Variants in ANGPT2 observed in about 807,000 individuals in gnomAD.
The protein encoded by ANGPT2 is angiopoietin 2.
In ANGPT2, 28 loss-of-function variants were observed where a neutral mutation model predicts 62.9. That is an observed-to-expected ratio of 0.44 (90% confidence interval 0.33 to 0.61). The LOEUF is 0.61. Ranked by LOEUF, ANGPT2 falls within the 20% of genes least tolerant of loss-of-function variation. The pLI is 0.03. For missense variants in ANGPT2, 727 were observed against 594.9 expected (o/e 1.22, Z -2.31); for synonymous variants, 284 against 207.8 (o/e 1.37, Z -3.15).
At chr8:6,513,911 G>C in intron 6 of ANGPT2, 67 bp from the exon 7 acceptor site, 1 of 1,404,896 alleles carries the variant, frequency 7.1e-7, no homozygotes, top group East Asian at 2.3e-5. Context: ...GAAGTGGATA[G>C]TCCGTCAACT....
intron 8 of ANGPT2, 120 bp from the exon 9 acceptor site, chr8:6,503,381 G>T (rs544758515): frequency 3.1e-6 from 3 of 962,680 alleles, no homozygotes; most frequent in African/African-American, 1.6e-5. Context: ...GGCACATGCA[G>T]ATGATGGTGA....
chr8:6,534,660 A>T (rs887535145), intron 1 of ANGPT2, among the ~76,000 whole-genome samples: 43 of 152,326 alleles, frequency 2.8e-4, no homozygotes, highest in African/African-American at 8.2e-4. Context: ...TTAAAAAAAT[A>T]AAAAATCAGT....
intron 1 of ANGPT2, 115 bp downstream of exon 1, chr8:6,562,532 T>TA (rs1435706974): frequency 8.1e-6 from 7 of 866,138 alleles, no homozygotes; most frequent in Non-Finnish European, 1.1e-5. Context: ...TCTCCAGCTC[T>TA]AATCCTCTTC....
intron 1 of ANGPT2, among the ~76,000 whole-genome samples, chr8:6,553,821 C>T (rs895762412): frequency 3.3e-5 from 5 of 152,088 alleles, no homozygotes; most frequent in African/African-American, 1.2e-4. Context: ...TATAAAGTCC[C>T]ACGTGATTCA....
intron 8 of ANGPT2, among the ~76,000 whole-genome samples, chr8:6,503,745 G>T (rs1812668577): frequency 6.6e-6 from 1 of 152,192 alleles, no homozygotes; most frequent in Non-Finnish European, 1.5e-5. Context: ...TACATAAAAA[G>T]GAAGTCTCTA....
At chr8:6,546,640 C>G (rs1237949588) in intron 1 of ANGPT2, among the ~76,000 whole-genome samples, 2 of 152,216 alleles carry the variant, frequency 1.3e-5, no homozygotes, top group African/African-American at 4.8e-5. Flanking sequence ...CCGCTTAATA[C>G]AAGCAACTGT....
At chr8:6,549,172 A>C (rs1328451764) in intron 1 of ANGPT2, among the ~76,000 whole-genome samples, 4 of 152,232 alleles carry the variant, frequency 2.6e-5, no homozygotes, top group South Asian at 2.1e-4. Context: ...GGGTTTGTAC[A>C]GTTGAGTGTT....
At chr8:6,546,936 C>T (rs1006099461) in intron 1 of ANGPT2, among the ~76,000 whole-genome samples, 5 of 152,162 alleles carry the variant, frequency 3.3e-5, no homozygotes, top group African/African-American at 1.2e-4. Flanking sequence ...CTAGGAAAAA[C>T]AGCCATGTTC....
In ANGPT2 at chr8:6,509,075, A is replaced by G. The variant is rs1198465871; in HGVS notation, c.1197-13T>C. 1.1e-5 allele frequency: 18 copies of G among 1,611,176 alleles called. No individual in the cohort carries two copies. Among genetic ancestry groups the G allele is most frequent in the Non-Finnish European group, 1.5e-5 (18 of 1,178,646 alleles). ...TTTAAGGTGAATCCTGTAAGCGTGC[A>G]AAGAAAAAAAACACATTGGCTAGGG... On this transcript the variant is annotated splice_polypyrimidine_tract_variant and intron_variant, in intron 7 of 8. Transcript: ENST00000629816.
chr8:6,502,894 G>A lies in ANGPT2; in HGVS notation c.*207C>T. On this transcript the variant is annotated 3_prime_UTR_variant, in exon 9 of 9. Coordinates refer to ENST00000629816, the MANE Select transcript of ANGPT2 (RefSeq NM_001118887.2). ...GTTCTGTCTAATCACAATTATGGAT[G>A]TTTAGGGTCTTGCTTTGGTCCGTTA... 1 of 564,780 alleles carries A rather than the reference G, an allele frequency of 1.8e-6. No homozygotes were observed. Among genetic ancestry groups the A allele is most frequent in the Non-Finnish European group, 3.1e-6 (1 of 323,234 alleles). The allele number at this position is 564,780 out of a possible 1,614,324, so 35.0% of individuals were successfully genotyped here. A position where few individuals can be genotyped will look rare whatever the true frequency, so the allele number is the denominator to read the frequency against.
chr8:6,555,707 C>A lies in ANGPT2; in HGVS notation c.288+6940G>T, dbSNP rs184977906. Among the ~76,000 whole-genome samples, 19 of 152,288 alleles carry A rather than the reference C, an allele frequency of 1.2e-4. No individual in the cohort carries two copies. In the East Asian group the frequency reaches 3.5e-3, roughly 28 times the overall value. ...TGAACTCCTGAGCTCAAGCGACCCA[C>A]CCGCTTCGGCCTCCGAAAGTGCTGC... On this transcript the variant is annotated intron_variant, in intron 1 of 8. Coordinates refer to ENST00000629816, the MANE Select transcript of ANGPT2 (RefSeq NM_001118887.2).
At chr8:6,552,359 T>G (rs981796592) in intron 1 of ANGPT2, among the ~76,000 whole-genome samples, 4 of 152,190 alleles carry the variant, frequency 2.6e-5, no homozygotes, top group Non-Finnish European at 5.9e-5. Flanking sequence ...TGGAGCAGTT[T>G]CCACAGAGGC....
Position 6,500,101 on chromosome 8 carries a change from G to T in ANGPT2, c.*3000C>A. Reference sequence around the variant, plus strand: ...TATCAATTTATTCGCGAGAACAAATGTGAGAACGTGAGACCATTGTGCAAA... The same window carrying T: ...TATCAATTTATTCGCGAGAACAAATTTGAGAACGTGAGACCATTGTGCAAA... On this transcript the variant is annotated 3_prime_UTR_variant, in exon 9 of 9. Coordinates refer to ENST00000629816, the MANE Select transcript of ANGPT2 (RefSeq NM_001118887.2). 1.6e-6 allele frequency: 1 copy of T among 632,790 alleles called. No homozygotes were observed. Among genetic ancestry groups the T allele is most frequent in the Non-Finnish European group, 2.8e-6 (1 of 353,312 alleles). The allele number at this position is 632,790 out of a possible 1,614,324, so 39.2% of individuals were successfully genotyped here. A position where few individuals can be genotyped will look rare whatever the true frequency, so the allele number is the denominator to read the frequency against.
intron 3 of ANGPT2, among the ~76,000 whole-genome samples, chr8:6,525,309 G>A (rs1818129584): frequency 6.6e-6 from 1 of 152,112 alleles, no homozygotes; most frequent in South Asian, 2.1e-4. Flanking sequence ...TGCCCAGGTT[G>A]GTATCAAACT....
At chr8:6,548,304 C>G (rs547909524) in intron 1 of ANGPT2, among the ~76,000 whole-genome samples, 1 of 152,080 alleles carries the variant, frequency 6.6e-6, no homozygotes, top group Non-Finnish European at 1.5e-5. Flanking sequence ...GGACTCTACT[C>G]GTGCGTCACT....
At chr8:6,516,672 A>T (rs1471417711) in intron 5 of ANGPT2, among the ~76,000 whole-genome samples, 20 of 152,228 alleles carry the variant, frequency 1.3e-4, no homozygotes, top group Admixed American at 1.3e-3. Context: ...TTGAGGATTC[A>T]TGTACATATA....
At chr8:6,533,790 G>T (rs565979943) in intron 1 of ANGPT2, among the ~76,000 whole-genome samples, 1 of 151,984 alleles carries the variant, frequency 6.6e-6, no homozygotes, top group African/African-American at 2.4e-5. Flanking sequence ...GAAACCATTC[G>T]TGGAGTCAGT....
At chr8:6,504,560 C>T (rs1399727128) in intron 8 of ANGPT2, among the ~76,000 whole-genome samples, 1 of 151,934 alleles carries the variant, frequency 6.6e-6, no homozygotes, top group Non-Finnish European at 1.5e-5. Context: ...TTAATAATGG[C>T]CCCAAAAGTG....
At chr8:6,505,578 A>G (rs1460946225) in intron 8 of ANGPT2, among the ~76,000 whole-genome samples, 1 of 118,926 alleles carries the variant, frequency 8.4e-6, no homozygotes, top group African/African-American at 3.2e-5. Flanking sequence ...TATAGAATGT[A>G]TATTCTTTTT....
Sources: allele counts gnomAD v4.1 joint callset (sites outside exome capture counted in the v4.1 genomes callset), GRCh38; gene constraint gnomAD v4.1.1; transcripts MANE v1.5; gene names NCBI Gene and HGNC (gene_info 2026-07-23, HGNC 2026-07-21).